ARRB2: variants seen among roughly 807,000 people sequenced by gnomAD.
The protein encoded by ARRB2 is arrestin beta 2.
A neutral mutation model predicts 53.4 loss-of-function variants in ARRB2; 21 were observed. That is an observed-to-expected ratio of 0.39 (90% CI 0.28 to 0.57). The LOEUF (loss-of-function observed/expected upper bound fraction) is 0.57. ARRB2 is among the 20% of genes least tolerant of loss of function. The pLI is 0.55. For missense variants in ARRB2, 369 were observed against 527.5 expected, an observed-to-expected ratio of 0.70 and a Z score of 2.94; for synonymous variants, 180 against 212.9, an observed-to-expected ratio of 0.85 and a Z score of 1.34.
chr17:4,719,456 A>G (rs1205132365), intron 11 of ARRB2, 36 bp downstream of exon 11: 5 of 1,607,672 alleles, frequency 3.1e-6, no homozygotes, highest in Non-Finnish European at 3.4e-6. Flanking sequence ...CCTGCAGGCC[A>G]GGGGCCAGAC....
chr17:4,719,246 GC>G (rs1915431449), intron 10 of ARRB2, 36 bp from the exon 11 acceptor site: 2 of 1,593,556 alleles, frequency 1.3e-6, no homozygotes, highest in East Asian at 4.5e-5. Flanking sequence ...CCAGCCCAGC[GC>G]CCCTAAGCAT....
Position 4,717,084 on chromosome 17 carries a change from T to A in ARRB2, c.358-133T>A. 1 of 1,060,258 alleles carries A rather than the reference T, an allele frequency of 9.4e-7. No homozygotes were observed. Among genetic ancestry groups the A allele is most frequent in the Non-Finnish European group, 1.4e-6 (1 of 692,254 alleles). The allele number at this position is 1,060,258 out of a possible 1,614,324, so 65.7% of individuals were successfully genotyped here. On this transcript the variant is annotated intron_variant, in intron 5 of 14. Transcript: ENST00000269260. This position sits in a 1 kb window ranked among gnomAD's most constrained non-coding sequence, Gnocchi z 6.0. ...CCTGACCTCAGGTGATCCGCCCACCTTAGCCTTCCAAAGTGTTGGGATTAC... is the reference window on the plus strand; with the variant it reads ...CCTGACCTCAGGTGATCCGCCCACCATAGCCTTCCAAAGTGTTGGGATTAC...
chr17:4,719,026 G>A (rs899308278), intron 10 of ARRB2, among the ~76,000 whole-genome samples: 8 of 152,128 alleles, frequency 5.3e-5, no homozygotes, highest in Non-Finnish European at 7.3e-5. Flanking sequence ...CACCCGTCGC[G>A]GCCTCTCAAA....
In ARRB2 at chr17:4,716,841, TTTG is replaced by T. The variant is rs1051375404; in HGVS notation, c.357+243_357+245del. On this transcript the variant is annotated intron_variant, in intron 5 of 14. Coordinates refer to ENST00000269260, the MANE Select transcript of ARRB2 (RefSeq NM_004313.4). ...CAGGAGTCCTTTCTCCAGCCTCTTT[TTTG>T]TTGTTGTTGAGACAAAGTCTCGCTC... 25 of 765,716 alleles carry T rather than the reference TTTG, an allele frequency of 3.3e-5. No homozygotes were observed. In the Middle Eastern group the frequency reaches 2.7e-3, roughly 83 times the overall value. 47.4% of individuals were successfully genotyped at this position (765,716 alleles called of 1,614,324 possible).
intron 14 of ARRB2, 65 bp downstream of exon 14, chr17:4,720,705 C>G: frequency 7.3e-7 from 1 of 1,368,672 alleles, no homozygotes; most frequent in Non-Finnish European, 1.0e-6. Flanking sequence ...TCAAATCTGC[C>G]CTCATACCTC....
intron 11 of ARRB2, among the ~76,000 whole-genome samples, chr17:4,719,662 T>G (rs1015470025): frequency 6.6e-6 from 1 of 151,706 alleles, no homozygotes; most frequent in African/African-American, 2.4e-5. Context: ...GGTGCGAAGG[T>G]GAATTCGGAG....
intron 2 of ARRB2, chr17:4,715,719 AC>A (rs1430631672): frequency 6.8e-4 from 314 of 459,548 alleles, no homozygotes; most frequent in South Asian, 1.6e-3. Flanking sequence ...ACACACACAC[AC>A]ACACAAACAC....
At chr17:4,719,028 C>T (rs1427183952) in intron 10 of ARRB2, among the ~76,000 whole-genome samples, 1 of 152,194 alleles carries the variant, frequency 6.6e-6, no homozygotes, top group East Asian at 1.9e-4. Context: ...CCCGTCGCGG[C>T]CTCTCAAAGT....
intron 2 of ARRB2, chr17:4,715,502 C>CAGACACACACACACACACAG: frequency 4.4e-6 from 1 of 226,516 alleles, no homozygotes; most frequent in Non-Finnish European, 8.6e-6. Context: ...CACACACATA[C>CAGACACACACACACACACAG]ACACATACAC....
chr17:4,721,107 G>A lies in ARRB2; in HGVS notation c.*68G>A. 2.7e-6 allele frequency: 4 copies of A among 1,459,766 alleles called. No individual in the cohort carries two copies. Among genetic ancestry groups the A allele is most frequent in the Non-Finnish European group, 1.9e-6 (2 of 1,045,506 alleles). The allele number at this position is 1,459,766 out of a possible 1,614,324, so 90.4% of individuals were successfully genotyped here. On this transcript the variant is annotated 3_prime_UTR_variant, in exon 15 of 15. Transcript: ENST00000269260. The surrounding 1 kb of genome is among the most constrained non-coding windows in gnomAD (Gnocchi z 4.2). ...TGAGGGCAGGATTAAGATCCCCACT[G>A]TCAATGGGGGATTGTCCCAGCCCCT...
At chr17:4,715,775 CA>C (rs1914966092) in intron 2 of ARRB2, 197 bp from the exon 3 acceptor site, 1 of 610,602 alleles carries the variant, frequency 1.6e-6, no homozygotes, top group Non-Finnish European at 2.9e-6. Flanking sequence ...GATAAAGGAG[CA>C]GCTCAAAAGC....
At chr17:4,715,676 C>T in intron 2 of ARRB2, 1 of 437,082 alleles carries the variant, frequency 2.3e-6, no homozygotes, top group Non-Finnish European at 4.1e-6. Context: ...CACACACACA[C>T]CTGACTGGTT....
In ARRB2 at chr17:4,720,092, G is replaced by A. The variant is rs35012075; in HGVS notation, c.918-124G>A. Reference sequence around the variant, plus strand: ...ACTGTACCATAACCGCACGGCCTGGGCTGCTGGGGCCCTGGGGGCCTGTGC... The same window carrying A: ...ACTGTACCATAACCGCACGGCCTGGACTGCTGGGGCCCTGGGGGCCTGTGC... On this transcript the variant is annotated intron_variant, in intron 11 of 14. Transcript: ENST00000269260. 5.1e-4 allele frequency: 485 copies of A among 957,480 alleles called. 4 individuals carry two copies. The African/African-American group carries it at 6.4e-3, about 13-fold the overall frequency. The allele number at this position is 957,480 out of a possible 1,614,324, so 59.3% of individuals were successfully genotyped here. A position where few individuals can be genotyped will look rare whatever the true frequency, so the allele number is the denominator to read the frequency against.
chr17:4,715,288 G>T lies in ARRB2; in HGVS notation c.54+245G>T, dbSNP rs780070305. On this transcript the variant is annotated intron_variant, in intron 2 of 14. Transcript: ENST00000269260. Reference sequence around the variant, plus strand: ...CCCCAAGCAAGACCACAGAGGAGGAGGCCAAAAGCAAGCCATGTGCCTGTA... The same window carrying T: ...CCCCAAGCAAGACCACAGAGGAGGATGCCAAAAGCAAGCCATGTGCCTGTA... 31 of 532,260 alleles carry T rather than the reference G, an allele frequency of 5.8e-5. 1 individual carries two copies. The South Asian group carries it at 8.2e-4, about 14-fold the overall frequency. 33.0% of individuals were successfully genotyped at this position (532,260 alleles called of 1,614,324 possible).
intron 1 of ARRB2, 88 bp downstream of exon 1, chr17:4,710,832 G>T (rs1597468785): frequency 5.0e-6 from 2 of 397,578 alleles, no homozygotes; most frequent in Admixed American, 8.8e-5. Flanking sequence ...CAGCGGAGAG[G>T]ATCTGGGGGC....
At chr17:4,715,478 C>CACGCACAG (rs1204122435) in intron 2 of ARRB2, 17 of 122,744 alleles carry the variant, frequency 1.4e-4, no homozygotes, top group African/African-American at 8.3e-4. Context: ...CAAACACACA[C>CACGCACAG]ACACACAGAC....
Position 4,718,648 on chromosome 17 carries a change from C to T in ARRB2, c.743C>T (p.Ala248Val). 1.2e-6 allele frequency: 2 copies of T among 1,613,880 alleles called. No homozygotes were observed. Among genetic ancestry groups the T allele is most frequent in the East Asian group, 2.2e-5 (1 of 44,880 alleles). ...GCCGACATCTGCCTCTTCAGCACCGCCCAGTACAAGTGTCCTGTGGCTCAA... is the reference window on the plus strand; with the variant it reads ...GCCGACATCTGCCTCTTCAGCACCGTCCAGTACAAGTGTCCTGTGGCTCAA... ...QYADICLFST[A>V]QYKCPVAQLE... The change falls in exon 10 of 15, where the codon GCC becomes GTC. Residue 248 changes from alanine (A) to valine (V), a missense_variant. Transcript: ENST00000269260.
chr17:4,721,117 G>A lies in ARRB2; in HGVS notation c.*78G>A. 2 of 1,414,028 alleles carry A rather than the reference G, an allele frequency of 1.4e-6. No individual in the cohort carries two copies. Among genetic ancestry groups the A allele is most frequent in the South Asian group, 1.2e-5 (1 of 84,266 alleles). The allele number at this position is 1,414,028 out of a possible 1,614,324, so 87.6% of individuals were successfully genotyped here. A position where few individuals can be genotyped will look rare whatever the true frequency, so the allele number is the denominator to read the frequency against. On this transcript the variant is annotated 3_prime_UTR_variant, in exon 15 of 15. Coordinates refer to ENST00000269260, the MANE Select transcript of ARRB2 (RefSeq NM_004313.4). This position sits in a 1 kb window ranked among gnomAD's most constrained non-coding sequence, Gnocchi z 4.2. ...ATTAAGATCCCCACTGTCAATGGGG[G>A]ATTGTCCCAGCCCCTCTTCCCTTCC...
Position 4,716,051 on chromosome 17 carries a change from G to C in ARRB2, c.115+18G>C, listed in dbSNP as rs1326941968. ...CCCTGTAGGTAAGTTTTCCCAGAAA[G>C]GGACAGCTCGTTCCCCAAGAGGGGA... On this transcript the variant is annotated intron_variant, in intron 3 of 14. Coordinates refer to ENST00000269260, the MANE Select transcript of ARRB2 (RefSeq NM_004313.4). The C allele has an allele frequency of 6.2e-7, 1 of 1,614,084 alleles. No individual in the cohort carries two copies. The highest frequency in any genetic ancestry group is 1.3e-5 in the African/African-American group (1 of 74,928).
Sources: gnomAD v4.1 joint callset for allele counts (sites outside exome capture counted in the v4.1 genomes callset) on GRCh38, gnomAD v4.1.1 for gene constraint, Gnocchi (gnomAD v3.1) non-coding constraint, MANE v1.5 for transcripts, NCBI Gene and HGNC (gene_info 2026-07-23, HGNC 2026-07-21) for gene names.